TENM3: variants seen among roughly 807,000 people sequenced by gnomAD.
The protein encoded by TENM3 is teneurin transmembrane protein 3.
Under a neutral mutation model 255.1 loss-of-function variants are expected in TENM3, and 63 were observed. The ratio of observed to expected loss-of-function variants is 0.25; its 90% CI spans 0.20 to 0.30. The LOEUF (loss-of-function observed/expected upper bound fraction) is 0.30. Among genes scored for constraint, TENM3 ranks in the 10% least tolerant of loss-of-function variants. The pLI is 1.00. For missense variants in TENM3, 2,929 were observed against 3,461.1 expected (o/e 0.85, Z 3.86); for synonymous variants, 1,306 against 1,322.3 (o/e 0.99, Z 0.27).
chr4:182,159,920 A>G (rs1216427628), intron 1 of TENM3, among the ~76,000 whole-genome samples: 1 of 152,200 alleles, frequency 6.6e-6, no homozygotes, highest in Non-Finnish European at 1.5e-5. Context: ...ATTTACTTAG[A>G]CACATCTCCT....
At chr4:181,938,884 G>C in the TENM3 span, among the ~76,000 whole-genome samples, 1 of 152,140 alleles carries the variant, frequency 6.6e-6, no homozygotes, top group Non-Finnish European at 1.5e-5. Context: ...TTGTGAAAGG[G>C]CTTTTGGAAA....
At position 182,669,876 on chromosome 4, in the gene TENM3, A is replaced by G. The variant is rs79976635; in HGVS notation, c.1112-3129A>G. ...TACTTCTCTGAGCCTTAGTTTCCTC[A>G]TCTCAAAATGATACCAACCTCTTGG... On this transcript the variant is annotated intron_variant, in intron 6 of 27. Coordinates refer to ENST00000511685, the MANE Select transcript of TENM3 (RefSeq NM_001080477.4). Among the ~76,000 whole-genome samples the G allele has an allele frequency of 1.1e-3, 173 of 152,248 alleles. 1 individual carries two copies. The East Asian group carries it at 0.021, about 18-fold the overall frequency.
chr4:182,030,202 A>G, the TENM3 span, among the ~76,000 whole-genome samples: 1 of 151,946 alleles, frequency 6.6e-6, no homozygotes, highest in Non-Finnish European at 1.5e-5. Flanking sequence ...CCCAGCATGC[A>G]TTAGCTATTT....
At chr4:182,729,552 G>T (rs532044608) in intron 14 of TENM3, among the ~76,000 whole-genome samples, 1 of 152,060 alleles carries the variant, frequency 6.6e-6, no homozygotes, top group Admixed American at 6.5e-5. Context: ...TATAAATTAT[G>T]AATGAATGTA....
At chr4:182,100,266 A>G in the TENM3 span, among the ~76,000 whole-genome samples, 1 of 151,446 alleles carries the variant, frequency 6.6e-6, no homozygotes, top group Non-Finnish European at 1.5e-5. Flanking sequence ...CAGTGCTCTC[A>G]CTTGAGACAT....
intron 3 of TENM3, among the ~76,000 whole-genome samples, chr4:182,470,599 CTT>C (rs978361022): frequency 1.3e-4 from 20 of 152,188 alleles, no homozygotes; most frequent in African/African-American, 3.1e-4. Flanking sequence ...CTTGGTTACT[CTT>C]TGCCAAAAAT....
chr4:181,529,012 A>T, the TENM3 span, among the ~76,000 whole-genome samples: 21 of 152,350 alleles, frequency 1.4e-4, no homozygotes, highest in East Asian at 4.0e-3. Flanking sequence ...TAAAATGTTT[A>T]AAGAGCTTTT....
the TENM3 span, among the ~76,000 whole-genome samples, chr4:181,968,478 A>T: frequency 5.4e-4 from 83 of 152,334 alleles, no homozygotes; most frequent in East Asian, 0.012. Context: ...CAGTGGCAAG[A>T]AACAAAGAAA....
the TENM3 span, among the ~76,000 whole-genome samples, chr4:181,987,844 A>G: frequency 1.3e-5 from 2 of 152,066 alleles, no homozygotes; most frequent in Non-Finnish European, 2.9e-5. Flanking sequence ...ATAAGGGCAG[A>G]AGGAGGACAT....
At chr4:182,498,958 G>T (rs1736066438) in intron 3 of TENM3, among the ~76,000 whole-genome samples, 1 of 152,194 alleles carries the variant, frequency 6.6e-6, no homozygotes, top group Non-Finnish European at 1.5e-5. Flanking sequence ...TGAAAAGTTT[G>T]CCATTAGGCA....
Position 182,789,153 on chromosome 4 carries a change from T to G in TENM3, c.5365T>G (p.Tyr1789Asp). The part of the protein sequence containing the change: ...FDRTTKTEKI[Y>D]DDHRKFLLRI... ...TCGAACAACAAAGACAGAAAAGATC[T>G]ATGACGACCACCGTAAATTTCTACT... Residue 1789 changes from tyrosine to aspartate, a missense_variant, in exon 25 of 28, where the codon TAT (tyrosine) becomes GAT (aspartate). Physicochemically the swap from Tyr to Asp is radical, Grantham distance 160. Transcript: ENST00000511685. The surrounding 1 kb of genome is among the most constrained non-coding windows in gnomAD (Gnocchi z 4.4). The G allele has an allele frequency of 6.2e-7, 1 of 1,612,808 alleles. No individual in the cohort carries two copies. Among genetic ancestry groups the G allele is most frequent in the Non-Finnish European group, 8.5e-7 (1 of 1,179,400 alleles).
chr4:182,422,785 A>G (rs1031552677), intron 3 of TENM3, among the ~76,000 whole-genome samples: 5 of 152,188 alleles, frequency 3.3e-5, no homozygotes, highest in African/African-American at 1.2e-4. Flanking sequence ...AATAATCACT[A>G]CCAGTTTTCA....
chr4:181,603,440 G>T, the TENM3 span, among the ~76,000 whole-genome samples: 3,282 of 152,138 alleles, frequency 0.022, 135 homozygotes, highest in African/African-American at 0.076. Flanking sequence ...TTGCCCCAAA[G>T]AAATCAACAG....
chr4:181,457,672 A>G, the TENM3 span, among the ~76,000 whole-genome samples: 1 of 151,822 alleles, frequency 6.6e-6, no homozygotes, highest in Non-Finnish European at 1.5e-5. Context: ...TCTATATGTG[A>G]CACAAGAGTT....
the TENM3 span, among the ~76,000 whole-genome samples, chr4:182,100,672 T>TATATACACATATATACAC: frequency 1.3e-4 from 6 of 44,720 alleles, no homozygotes; most frequent in African/African-American, 3.1e-4. Context: ...TATATACACA[T>TATATACACATATATACAC]ATATATACAC....
the TENM3 span, among the ~76,000 whole-genome samples, chr4:181,461,815 C>T: frequency 6.6e-6 from 1 of 152,146 alleles, no homozygotes; most frequent in African/African-American, 2.4e-5. Context: ...AATGTTCTTT[C>T]CGGATAATTC....
At chr4:181,857,704 G>A in the TENM3 span, among the ~76,000 whole-genome samples, 8 of 152,068 alleles carry the variant, frequency 5.3e-5, no homozygotes, top group Non-Finnish European at 4.4e-5. Context: ...GTTGCAGTGA[G>A]CTGAGATCAC....
chr4:181,635,674 G>C, the TENM3 span, among the ~76,000 whole-genome samples: 7 of 152,344 alleles, frequency 4.6e-5, no homozygotes, highest in South Asian at 1.0e-3. Flanking sequence ...AGATAGGACA[G>C]AGGCCTACCA....
intron 2 of TENM3, among the ~76,000 whole-genome samples, chr4:182,339,497 G>A (rs959519154): frequency 1.3e-5 from 2 of 152,102 alleles, no homozygotes; most frequent in African/African-American, 2.4e-5. Flanking sequence ...TTTCAGGCTC[G>A]GCAGCCAACC....
Sources: gnomAD v4.1 joint callset for allele counts (sites outside exome capture counted in the v4.1 genomes callset) on GRCh38, gnomAD v4.1.1 for gene constraint, Gnocchi (gnomAD v3.1) non-coding constraint, MANE v1.5 for transcripts, NCBI Gene and HGNC (gene_info 2026-07-23, HGNC 2026-07-21) for gene names.